Variants in C1QTNF3 observed in about 807,000 individuals in gnomAD.
C1QTNF3 encodes the protein C1q and TNF related 3, also known as complement C1q tumor necrosis factor-related protein 3.
C1QTNF3 carries 26 observed loss-of-function variants against 32.6 expected under a neutral mutation model. The ratio of observed to expected loss-of-function variants is 0.80; its 90% CI spans 0.58 to 1.11. The LOEUF (loss-of-function observed/expected upper bound fraction) is 1.11. C1QTNF3 is among the 50% of genes least tolerant of loss of function. The pLI is 0.00. For missense variants in C1QTNF3, 362 were observed against 398.2 expected (o/e 0.91, Z 0.77); for synonymous variants, 155 against 146.0 (o/e 1.06, Z -0.44).
At chr5:34,128,460 G>A in the C1QTNF3 span, among the ~76,000 whole-genome samples, 6 of 152,174 alleles carry the variant, frequency 3.9e-5, no homozygotes, top group Admixed American at 2.6e-4. Context: ...TAAATTCACC[G>A]ATAGCTCGCC....
At chr5:34,173,486 G>A in the C1QTNF3 span, among the ~76,000 whole-genome samples, 2 of 138,104 alleles carry the variant, frequency 1.4e-5, no homozygotes, top group African/African-American at 2.7e-5. Flanking sequence ...AAATTCTGTT[G>A]TTGATTTAAC....
chr5:34,062,495 CAG>C, the C1QTNF3 span, among the ~76,000 whole-genome samples: 1 of 152,178 alleles, frequency 6.6e-6, no homozygotes, highest in African/African-American at 2.4e-5. Context: ...GGAGAGCGAG[CAG>C]TAAAAGATGG....
chr5:34,203,805 TTTAAAG>T, the C1QTNF3 span, among the ~76,000 whole-genome samples: 44 of 149,486 alleles, frequency 2.9e-4, no homozygotes, highest in South Asian at 8.2e-3. Context: ...CACATACAGA[TTTAAAG>T]TAAATGGGTG....
the C1QTNF3 span, among the ~76,000 whole-genome samples, chr5:34,102,834 G>T: frequency 6.6e-6 from 1 of 152,252 alleles, no homozygotes; most frequent in South Asian, 2.1e-4. Flanking sequence ...GGCCTGTTGT[G>T]GGGTGGGGGC....
the C1QTNF3 span, among the ~76,000 whole-genome samples, chr5:34,125,257 T>C: frequency 6.6e-6 from 1 of 152,100 alleles, no homozygotes; most frequent in Non-Finnish European, 1.5e-5. Context: ...CAAGGGTCCA[T>C]GCATATAAGC....
At chr5:34,145,081 A>G in the C1QTNF3 span, among the ~76,000 whole-genome samples, 1 of 152,196 alleles carries the variant, frequency 6.6e-6, no homozygotes, top group Non-Finnish European at 1.5e-5. Context: ...GTGAGCCAAG[A>G]CTGTGCCACT....
the C1QTNF3 span, among the ~76,000 whole-genome samples, chr5:34,055,215 A>G: frequency 6.6e-6 from 1 of 152,194 alleles, no homozygotes; most frequent in African/African-American, 2.4e-5. Context: ...GTTCTTTGTC[A>G]TTTATTCCAA....
chr5:34,243,823 G>A, the C1QTNF3 span, among the ~76,000 whole-genome samples: 4 of 151,786 alleles, frequency 2.6e-5, no homozygotes, highest in Admixed American at 2.0e-4. Context: ...GGGTGGGGGA[G>A]AGAGGGGAGC....
the C1QTNF3 span, among the ~76,000 whole-genome samples, chr5:34,110,422 C>T: frequency 6.6e-6 from 1 of 151,940 alleles, no homozygotes; most frequent in African/African-American, 2.4e-5. Flanking sequence ...ACATGTCTAC[C>T]CACTTCCCAA....
chr5:34,211,553 C>T, the C1QTNF3 span, among the ~76,000 whole-genome samples: 1 of 122,354 alleles, frequency 8.2e-6, no homozygotes, highest in Non-Finnish European at 1.6e-5. Flanking sequence ...CCCCCCACCC[C>T]ATAACAGTCC....
the C1QTNF3 span, among the ~76,000 whole-genome samples, chr5:34,095,802 A>C: frequency 6.6e-6 from 1 of 152,180 alleles, no homozygotes. Context: ...ACGAATAAAC[A>C]CAGAGAACAA....
Position 34,027,352 on chromosome 5 carries a change from T to C in C1QTNF3, c.700+1402A>G, listed in dbSNP as rs186722241. On this transcript the variant is annotated intron_variant, in intron 4 of 5. Coordinates refer to ENST00000382065, the MANE Select transcript of C1QTNF3 (RefSeq NM_181435.6). Reference sequence around the variant, plus strand: ...AAAATTATGGATATGTTTATACTGATAATATTCCTAAAACTTTAGCCTACA... The same window carrying C: ...AAAATTATGGATATGTTTATACTGACAATATTCCTAAAACTTTAGCCTACA... 7.9e-4 allele frequency among the ~76,000 whole-genome samples: 120 copies of C among 152,342 alleles called. 1 individual carries two copies. Among genetic ancestry groups the C allele is most frequent in the African/African-American group, 2.6e-3 (110 of 41,584 alleles).
the C1QTNF3 span, among the ~76,000 whole-genome samples, chr5:34,172,545 T>C: frequency 8.5e-5 from 13 of 152,312 alleles, no homozygotes; most frequent in Admixed American, 5.9e-4. Flanking sequence ...AGGCAATTTA[T>C]TGAACCTCTA....
chr5:34,035,988 T>C (rs529663012), intron 1 of C1QTNF3, among the ~76,000 whole-genome samples: 1 of 151,704 alleles, frequency 6.6e-6, no homozygotes, highest in East Asian at 1.9e-4. Flanking sequence ...AGGAAGATGC[T>C]CTTTGAAAAG....
At chr5:34,047,466 T>C (rs971696699), upstream of C1QTNF3, among the ~76,000 whole-genome samples, 1 of 152,358 alleles carries the variant, frequency 6.6e-6, no homozygotes, top group South Asian at 2.1e-4. Context: ...AGATCAGTTA[T>C]GGTCTGGCCA....
At chr5:34,049,652 T>G in the C1QTNF3 span, among the ~76,000 whole-genome samples, 1 of 152,190 alleles carries the variant, frequency 6.6e-6, no homozygotes, top group Non-Finnish European at 1.5e-5. Context: ...AGTAAATTCC[T>G]CAAAATGGGA....
the C1QTNF3 span, among the ~76,000 whole-genome samples, chr5:34,111,417 C>T: frequency 2.0e-5 from 3 of 151,776 alleles, no homozygotes; most frequent in East Asian, 5.8e-4. Context: ...CACATGGTAA[C>T]ATTCTGGCCC....
At chr5:34,026,582 A>C (rs1754466749) in intron 4 of C1QTNF3, among the ~76,000 whole-genome samples, 1 of 152,076 alleles carries the variant, frequency 6.6e-6, no homozygotes, top group East Asian at 1.9e-4. Context: ...CTGGAGAGGT[A>C]GTGGAAGTGT....
the C1QTNF3 span, among the ~76,000 whole-genome samples, chr5:34,123,077 G>C: frequency 2.0e-5 from 3 of 151,964 alleles, no homozygotes; most frequent in Non-Finnish European, 2.9e-5. Context: ...AAGCAGAGGG[G>C]ATGTGACTAG....
Sources: gnomAD v4.1 joint callset for allele counts (sites outside exome capture counted in the v4.1 genomes callset) on GRCh38, gnomAD v4.1.1 for gene constraint, MANE v1.5 for transcripts, NCBI Gene and HGNC (gene_info 2026-07-23, HGNC 2026-07-21) for gene names.